Variants in SETD7 observed in about 807,000 individuals in gnomAD.
SETD7 encodes the protein histone-lysine N-methyltransferase SETD7.
In SETD7, 16 loss-of-function variants were observed where a neutral mutation model predicts 41.8. The ratio of observed to expected loss-of-function variants is 0.38; its 90% CI spans 0.26 to 0.58. SETD7 has a LOEUF of 0.58. SETD7 is among the 20% of genes least tolerant of loss of function. SETD7 has a pLI of 0.64. For missense variants in SETD7, 346 were observed against 459.7 expected (o/e 0.75, Z 2.26); for synonymous variants, 163 against 169.7 (o/e 0.96, Z 0.31).
Position 139,510,020 on chromosome 4 carries a change from A to T in SETD7, c.*1643T>A, listed in dbSNP as rs1394885530. 4 of 305,934 alleles carry T rather than the reference A, an allele frequency of 1.3e-5. No individual in the cohort carries two copies. The highest frequency in any genetic ancestry group is 1.9e-5 in the Non-Finnish European group (4 of 208,842). 19.0% of individuals were successfully genotyped at this position (305,934 alleles called of 1,614,324 possible). A position where few individuals can be genotyped will look rare whatever the true frequency, so the allele number is the denominator to read the frequency against. ...ATGTGCCCAAGGGCCACCTGAAATGAAAGTCATGAGCAGCCTGGGATTAAG... is the reference window on the plus strand; with the variant it reads ...ATGTGCCCAAGGGCCACCTGAAATGTAAGTCATGAGCAGCCTGGGATTAAG... On this transcript the variant is annotated 3_prime_UTR_variant, in exon 8 of 8. Coordinates refer to ENST00000274031, the MANE Select transcript of SETD7 (RefSeq NM_030648.4).
Position 139,517,887 on chromosome 4 carries a change from A to G in SETD7, c.918T>C (p.Asp306=). The change falls in exon 7 of 8, where the codon GAT becomes GAC. Residue 306 remains aspartate, a splice_region_variant and synonymous_variant. Transcript: ENST00000274031. ...NHSFTPNCIY[D]MFVHPRFGPI... The stretch of plus-strand genomic sequence containing the variant: ...CAGCAGCTCTGGGTAATACTTACAT[A>G]TCGTAGATGCAGTTTGGAGTGAAGG... 6.2e-7 allele frequency: 1 copy of G among 1,612,954 alleles called. No individual in the cohort carries two copies. The highest frequency in any genetic ancestry group is 8.5e-7 in the Non-Finnish European group (1 of 1,179,388).
chr4:139,537,200 C>T (rs1727662734), intron 2 of SETD7, among the ~76,000 whole-genome samples: 1 of 152,142 alleles, frequency 6.6e-6, no homozygotes. Flanking sequence ...TTCTCGAACT[C>T]CTGACCTCAA....
intron 2 of SETD7, among the ~76,000 whole-genome samples, chr4:139,539,449 T>A (rs1336522083): frequency 2.0e-5 from 3 of 152,192 alleles, no homozygotes; most frequent in Non-Finnish European, 4.4e-5. Flanking sequence ...TCTCCCAAGG[T>A]GTTGGAGCAA....
chr4:139,543,788 T>TA (rs1310187448), intron 2 of SETD7, among the ~76,000 whole-genome samples: 8 of 78,194 alleles, frequency 1.0e-4, no homozygotes, highest in East Asian at 4.9e-4. Flanking sequence ...CCGTCTCTAC[T>TA]AAAAAAATAC....
At chr4:139,517,082 T>C (rs938637282) in intron 7 of SETD7, among the ~76,000 whole-genome samples, 2 of 152,260 alleles carry the variant, frequency 1.3e-5, no homozygotes, top group African/African-American at 4.8e-5. Flanking sequence ...TCCTTTTTAG[T>C]ATCAAATAAT....
At chr4:139,523,254 C>A in intron 5 of SETD7, 100 bp downstream of exon 5, 1 of 800,380 alleles carries the variant, frequency 1.2e-6, no homozygotes. Context: ...GAGCTGGAAC[C>A]CAGCCTGGGC....
In SETD7 at chr4:139,511,785, C is replaced by T. The variant is rs1471553691; in HGVS notation, c.979G>A (p.Ala327Thr). 7 of 1,614,158 alleles carry T rather than the reference C, an allele frequency of 4.3e-6. No individual in the cohort carries two copies. The highest frequency in any genetic ancestry group is 5.9e-6 in the Non-Finnish European group (7 of 1,180,012). ...TAGGCAACGGTGAGCTCTTCATCGG[C>T]CTCCACTGCTCTCAGGGTGCGGATG... The part of the protein sequence containing the change: ...KCIRTLRAVE[A>T]DEELTVAYGY... Residue 327 changes from alanine to threonine, a missense_variant, in exon 8 of 8, where the codon GCC becomes ACC. By Grantham distance (58) the Ala-to-Thr change is moderately conservative. Coordinates refer to ENST00000274031, the MANE Select transcript of SETD7 (RefSeq NM_030648.4).
intron 2 of SETD7, among the ~76,000 whole-genome samples, chr4:139,539,299 C>T (rs1249577088): frequency 6.6e-6 from 1 of 151,948 alleles, no homozygotes; most frequent in African/African-American, 2.4e-5. Context: ...GAATTGTGAC[C>T]CTTAGTATAT....
intron 4 of SETD7, among the ~76,000 whole-genome samples, chr4:139,528,300 T>C (rs1727388866): frequency 6.6e-6 from 1 of 152,262 alleles, no homozygotes; most frequent in African/African-American, 2.4e-5. Context: ...CCACGCAAGA[T>C]GTTGGGCTCG....
At chr4:139,535,573 G>A (rs1490419266) in intron 2 of SETD7, among the ~76,000 whole-genome samples, 2 of 152,246 alleles carry the variant, frequency 1.3e-5, no homozygotes, top group South Asian at 2.1e-4. Context: ...ATATGGACTT[G>A]CAGACATTTC....
intron 7 of SETD7, 79 bp from the exon 8 acceptor site, chr4:139,511,922 G>A: frequency 6.6e-7 from 1 of 1,522,784 alleles, no homozygotes; most frequent in Non-Finnish European, 8.8e-7. Context: ...GGCTGATACA[G>A]GAATCACCCC....
chr4:139,524,494 T>TG (rs927285411), intron 4 of SETD7, among the ~76,000 whole-genome samples: 1 of 152,184 alleles, frequency 6.6e-6, no homozygotes, highest in Non-Finnish European at 1.5e-5. Context: ...GCTCTGGAGC[T>TG]GGGGTAGTTG....
chr4:139,501,348 G>A (rs897431779), downstream of SETD7, among the ~76,000 whole-genome samples: 18 of 134,528 alleles, frequency 1.3e-4, no homozygotes, highest in East Asian at 1.5e-3. Flanking sequence ...ACCAAAACCC[G>A]TTATGTTTTC....
chr4:139,503,084 A>C (rs890835874), downstream of SETD7, among the ~76,000 whole-genome samples: 1 of 145,856 alleles, frequency 6.9e-6, no homozygotes, highest in Non-Finnish European at 1.5e-5. Context: ...AGCCTGAGGC[A>C]GGAGAATTGC....
chr4:139,518,231 C>A (rs1046902541), intron 6 of SETD7, among the ~76,000 whole-genome samples, 189 bp from the exon 7 acceptor site: 2 of 152,152 alleles, frequency 1.3e-5, no homozygotes, highest in African/African-American at 4.8e-5. Flanking sequence ...CAGGTTCAAG[C>A]GACTCTTGTG....
At chr4:139,541,198 C>T (rs1040643193) in intron 2 of SETD7, among the ~76,000 whole-genome samples, 3 of 152,160 alleles carry the variant, frequency 2.0e-5, no homozygotes, top group African/African-American at 7.2e-5. Context: ...AGGCTAAAAA[C>T]CACATGACCC....
chr4:139,533,586 C>T (rs1727551767), intron 2 of SETD7, among the ~76,000 whole-genome samples: 1 of 152,146 alleles, frequency 6.6e-6, no homozygotes, highest in Non-Finnish European at 1.5e-5. Flanking sequence ...CTCATGGTTC[C>T]TGGGAATCCT....
In SETD7 at chr4:139,529,122, C is replaced by T. The variant is rs752333644; in HGVS notation, c.471G>A (p.Gly157=). 12 of 1,613,998 alleles carry T rather than the reference C, an allele frequency of 7.4e-6. No homozygotes were observed. Among genetic ancestry groups the T allele is most frequent in the Admixed American group, 1.7e-5 (1 of 59,990 alleles). Residue 157 remains glycine, a synonymous_variant, in exon 4 of 8, where the codon GGG becomes GGA. Coordinates refer to ENST00000274031, the MANE Select transcript of SETD7 (RefSeq NM_030648.4). ...CTATCATCTCTCCATCAATAAATTT[C>T]CCATAAAGTGCGGTCCTCTCATCAG... ...VYPDERTALY[G]KFIDGEMIEG... is the part of the protein sequence containing the mutation.
intron 2 of SETD7, among the ~76,000 whole-genome samples, chr4:139,543,106 C>A (rs1420682547): frequency 6.6e-6 from 1 of 152,180 alleles, no homozygotes; most frequent in African/African-American, 2.4e-5. Flanking sequence ...AAGTTTTTGT[C>A]TCCTCGCTTG....
Sources: allele counts gnomAD v4.1 joint callset (sites outside exome capture counted in the v4.1 genomes callset), GRCh38; gene constraint gnomAD v4.1.1; transcripts MANE v1.5; gene names NCBI Gene and HGNC (gene_info 2026-07-23, HGNC 2026-07-21).